Variants in FGF6 observed in about 807,000 individuals in gnomAD.
The protein encoded by FGF6 is fibroblast growth factor 6, also known as FGF-6.
Under a neutral mutation model 18.4 loss-of-function variants are expected in FGF6, and 14 were observed. That is an observed-to-expected ratio of 0.76 (90% CI 0.50 to 1.19). The LOEUF (loss-of-function observed/expected upper bound fraction) is 1.19. Among genes scored for constraint, FGF6 ranks in the 50% most tolerant of loss-of-function variants. The pLI, the probability that FGF6 is intolerant of heterozygous loss-of-function variation, is 0.00. For missense variants in FGF6, 266 were observed against 271.6 expected (o/e 0.98, Z 0.15); for synonymous variants, 125 against 116.7 (o/e 1.07, Z -0.46).
At chr12:4,440,743 A>G (rs149091659) in intron 2 of FGF6, among the ~76,000 whole-genome samples, 2 of 152,336 alleles carry the variant, frequency 1.3e-5, no homozygotes, top group Middle Eastern at 3.4e-3. Context: ...GCATAAGGGC[A>G]TGCACCTCCC....
chr12:4,441,643 C>T (rs564260861), intron 2 of FGF6, among the ~76,000 whole-genome samples: 92 of 152,228 alleles, frequency 6.0e-4, no homozygotes, highest in African/African-American at 2.0e-3. Flanking sequence ...TCTCTGCCCA[C>T]GAGTCGTTGC....
chr12:4,444,552 C>G (rs1865733897), intron 1 of FGF6, among the ~76,000 whole-genome samples: 1 of 152,178 alleles, frequency 6.6e-6, no homozygotes, highest in Non-Finnish European at 1.5e-5. Flanking sequence ...AGGTCCTTGA[C>G]TTGAGTAAAA....
At chr12:4,438,967 G>A (rs1173845454) in intron 2 of FGF6, among the ~76,000 whole-genome samples, 8 of 152,026 alleles carry the variant, frequency 5.3e-5, no homozygotes, top group Non-Finnish European at 7.4e-5. Flanking sequence ...AGATGATACC[G>A]GTGCGTGCAC....
chr12:4,436,402 T>G (rs1198637866), intron 2 of FGF6, among the ~76,000 whole-genome samples: 1 of 151,808 alleles, frequency 6.6e-6, no homozygotes, highest in Non-Finnish European at 1.5e-5. Context: ...GGAGGATCAC[T>G]TGAGCCCAGG....
chr12:4,442,311 G>A lies in FGF6; in HGVS notation c.450+1822C>T, dbSNP rs746078302. On this transcript the variant is annotated intron_variant, in intron 2 of 2. Transcript: ENST00000228837. ...TGAATGCTCTTCCCCGCTTTGTGGC[G>A]CTTTCTCTGATGGTTAAATCGTATA... Among the ~76,000 whole-genome samples, 4 of 151,992 alleles carry A rather than the reference G, an allele frequency of 2.6e-5. No individual in the cohort carries two copies. The South Asian group carries it at 6.2e-4, about 24-fold the overall frequency.
chr12:4,434,328 C>G lies in FGF6; in HGVS notation c.514G>C (p.Glu172Gln). The change falls in exon 3 of 3, where the codon GAG (glutamate) becomes CAG (glutamine). Residue 172 changes from glutamate (E) to glutamine (Q), a missense_variant. Physicochemically the swap from Glu to Gln is conservative, Grantham distance 29. Transcript: ENST00000228837. Reference protein sequence around the residue: ...TLLPNNYNAYESDLYQGTYIA... With the variant: ...TLLPNNYNAYQSDLYQGTYIA... ...TAGGTCCCTTGGTACAAGTCTGACT[C>G]GTAGGCATTGTAATTGTTGGGCAGG... 1 of 1,614,090 alleles carries G rather than the reference C, an allele frequency of 6.2e-7. No individual in the cohort carries two copies. Among genetic ancestry groups the G allele is most frequent in the Non-Finnish European group, 8.5e-7 (1 of 1,180,002 alleles).
Position 4,434,558 on chromosome 12 carries a change from G to A in FGF6, c.451-167C>T, listed in dbSNP as rs561141187. 4.0e-4 allele frequency among the ~76,000 whole-genome samples: 61 copies of A among 152,204 alleles called. 2 individuals carry two copies. The highest frequency in any genetic ancestry group is 1.3e-3 in the African/African-American group (56 of 41,532). The stretch of plus-strand genomic sequence containing the variant: ...TCCTGGGTGAACAGAATGGTGAAAG[G>A]TTAGGATGGGAAGAGGCTGCAGGCT... On this transcript the variant is annotated intron_variant, in intron 2 of 2. Coordinates refer to ENST00000228837, the MANE Select transcript of FGF6 (RefSeq NM_020996.3).
chr12:4,438,751 C>CAAAAAAAAAAAA (rs386375443), intron 2 of FGF6, among the ~76,000 whole-genome samples: 1 of 39,732 alleles, frequency 2.5e-5, no homozygotes, highest in Admixed American at 4.9e-4. Flanking sequence ...GACTCTATCT[C>CAAAAAAAAAAAA]AAAAAAAAAA....
intron 2 of FGF6, among the ~76,000 whole-genome samples, chr12:4,435,506 T>C (rs1378830324): frequency 6.6e-6 from 1 of 152,170 alleles, no homozygotes; most frequent in Non-Finnish European, 1.5e-5. Flanking sequence ...AACTGGTCCC[T>C]GGTGCCAAAA....
chr12:4,444,471 G>C (rs1296324223), intron 1 of FGF6, among the ~76,000 whole-genome samples: 5 of 152,208 alleles, frequency 3.3e-5, no homozygotes, highest in Non-Finnish European at 7.3e-5. Flanking sequence ...AGAGTTAGGG[G>C]CTGCAGTGAC....
chr12:4,443,663 T>G (rs1363008923), intron 2 of FGF6, among the ~76,000 whole-genome samples: 1 of 152,150 alleles, frequency 6.6e-6, no homozygotes, highest in East Asian at 1.9e-4. Context: ...GTGCAGAATC[T>G]CAGCACACTG....
intron 2 of FGF6, 73 bp downstream of exon 2, chr12:4,444,060 T>C (rs1186237115): frequency 1.0e-6 from 1 of 964,078 alleles, no homozygotes; most frequent in East Asian, 2.4e-5. Flanking sequence ...ACTCAGGACT[T>C]CATATTATTT....
intron 1 of FGF6, among the ~76,000 whole-genome samples, chr12:4,444,755 A>T (rs937425698): frequency 6.6e-6 from 1 of 152,166 alleles, no homozygotes; most frequent in Admixed American, 6.5e-5. Flanking sequence ...AGCTTGCAGG[A>T]TAAGAACCTG....
chr12:4,444,169 G>C lies in FGF6; in HGVS notation c.414C>G (p.Phe138Leu). 1.9e-6 allele frequency: 3 copies of C among 1,613,786 alleles called. No individual in the cohort carries two copies. Among genetic ancestry groups the C allele is most frequent in the African/African-American group, 2.7e-5 (2 of 75,014 alleles). Residue 138 changes from phenylalanine (F) to leucine (L), a missense_variant, in exon 2 of 3, where the codon TTC (phenylalanine) becomes TTG (leucine). Transcript: ENST00000228837. The stretch of plus-strand genomic sequence containing the variant: ...ATCTTCCTTTACTGTTCATGGCAAC[G>C]AAGAGGGCACTTCTCACTCCAAAGA... ...VSLFGVRSAL[F>L]VAMNSKGRLY...
At chr12:4,434,642 CAG>C (rs764215683) in intron 2 of FGF6, among the ~76,000 whole-genome samples, 1 of 152,152 alleles carries the variant, frequency 6.6e-6, no homozygotes, top group Non-Finnish European at 1.5e-5. Flanking sequence ...CCCAGGGACA[CAG>C]GGGATGGTCT....
chr12:4,440,126 T>C (rs1228533360), intron 2 of FGF6, among the ~76,000 whole-genome samples: 1 of 152,214 alleles, frequency 6.6e-6, no homozygotes, highest in African/African-American at 2.4e-5. Flanking sequence ...TATGATTACT[T>C]GAATAAATGA....
rs138629484 is a variant in FGF6, at chr12:4,438,114, C to G, written c.451-3723G>C. Among the ~76,000 whole-genome samples the G allele has an allele frequency of 3.2e-3, 485 of 152,022 alleles. 1 individual carries two copies. The highest frequency in any genetic ancestry group is 0.011 in the African/African-American group (469 of 41,458). On this transcript the variant is annotated intron_variant, in intron 2 of 2. Coordinates refer to ENST00000228837, the MANE Select transcript of FGF6 (RefSeq NM_020996.3). ...ACAGCATTTATAAAACAGAAAATTCCCAGGAAAAGAACTATCAATGGCATT... is the reference window on the plus strand; with the variant it reads ...ACAGCATTTATAAAACAGAAAATTCGCAGGAAAAGAACTATCAATGGCATT...
intron 2 of FGF6, among the ~76,000 whole-genome samples, chr12:4,441,674 C>T (rs1865692301): frequency 6.6e-6 from 1 of 152,120 alleles, no homozygotes; most frequent in South Asian, 2.1e-4. Flanking sequence ...TCACCAACAC[C>T]TCAGCCCCAG....
chr12:4,434,826 G>C (rs982299457), intron 2 of FGF6, among the ~76,000 whole-genome samples: 2 of 152,208 alleles, frequency 1.3e-5, no homozygotes, highest in Non-Finnish European at 2.9e-5. Flanking sequence ...GCAGGGATGA[G>C]AGCTCAGGGT....
Sources: allele counts gnomAD v4.1 joint callset (sites outside exome capture counted in the v4.1 genomes callset), GRCh38; gene constraint gnomAD v4.1.1; transcripts MANE v1.5; gene names NCBI Gene and HGNC (gene_info 2026-07-23, HGNC 2026-07-21).